The following C1QTNF3 variants were observed in gnomAD, a reference collection of about 807,000 sequenced individuals.
C1QTNF3 encodes the protein complement C1q tumor necrosis factor-related protein 3.
C1QTNF3 carries 26 observed loss-of-function variants against 32.6 expected under a neutral mutation model. That is an observed-to-expected ratio of 0.80 (90% CI 0.58 to 1.11). C1QTNF3 has a LOEUF of 1.11. Ranked by LOEUF, C1QTNF3 falls within the 50% of genes least tolerant of loss-of-function variation. The pLI is 0.00. For synonymous variants in C1QTNF3, 155 were observed against 146.0 expected (o/e 1.06, Z -0.44); for missense variants, 362 against 398.2 (o/e 0.91, Z 0.77).
At chr5:34,239,280 A>G in the C1QTNF3 span, 1 of 152,094 alleles carries the variant, frequency 6.6e-6, no homozygotes, top group African/African-American at 2.4e-5. Context: ...TAGGATCAAA[A>G]TCTCATGTAT....
At chr5:34,027,609 G>C (rs1312097013) in intron 4 of C1QTNF3, among the ~76,000 whole-genome samples, 3 of 151,886 alleles carry the variant, frequency 2.0e-5, no homozygotes, top group Non-Finnish European at 4.4e-5. Flanking sequence ...GAGTGGGGAG[G>C]ATCGCTTGAG....
chr5:34,171,264 G>A, the C1QTNF3 span, among the ~76,000 whole-genome samples: 2 of 151,380 alleles, frequency 1.3e-5, no homozygotes, highest in Non-Finnish European at 2.9e-5. Flanking sequence ...TTTTCTTACT[G>A]AATTTTTTTC....
At chr5:34,071,588 AT>A in the C1QTNF3 span, among the ~76,000 whole-genome samples, 12 of 152,156 alleles carry the variant, frequency 7.9e-5, no homozygotes, top group African/African-American at 2.9e-4. Context: ...ATTGAGGAAG[AT>A]TAGGCATATC....
chr5:34,107,271 C>A, the C1QTNF3 span, among the ~76,000 whole-genome samples: 1 of 137,756 alleles, frequency 7.3e-6, no homozygotes, highest in African/African-American at 2.8e-5. Context: ...TATAAATATA[C>A]TGCTGCACTT....
the C1QTNF3 span, among the ~76,000 whole-genome samples, chr5:34,064,799 C>G: frequency 6.6e-6 from 1 of 152,028 alleles, no homozygotes; most frequent in Non-Finnish European, 1.5e-5. Flanking sequence ...GGGAGGGGAC[C>G]CAAAGGGAGT....
chr5:34,093,993 C>T, the C1QTNF3 span, among the ~76,000 whole-genome samples: 12 of 152,296 alleles, frequency 7.9e-5, no homozygotes, highest in East Asian at 2.1e-3. Context: ...AAGAAAACAG[C>T]CCAGACCTAG....
chr5:34,114,414 G>A, the C1QTNF3 span, among the ~76,000 whole-genome samples: 1 of 151,960 alleles, frequency 6.6e-6, no homozygotes, highest in Non-Finnish European at 1.5e-5. Flanking sequence ...ATAATTTATT[G>A]CTAAATTCAG....
the C1QTNF3 span, among the ~76,000 whole-genome samples, chr5:34,169,628 G>T: frequency 6.6e-6 from 1 of 151,888 alleles, no homozygotes; most frequent in Non-Finnish European, 1.5e-5. Flanking sequence ...TGTTTTTCTT[G>T]TTTGTTTTTA....
chr5:34,069,889 G>C, the C1QTNF3 span, among the ~76,000 whole-genome samples: 4 of 152,246 alleles, frequency 2.6e-5, 1 homozygote, highest in African/African-American at 9.6e-5. Context: ...ACATAGAACA[G>C]AGGTATTGTA....
chr5:34,044,115 C>T (rs189002122), upstream of C1QTNF3, among the ~76,000 whole-genome samples: 185 of 152,214 alleles, frequency 1.2e-3, no homozygotes, highest in African/African-American at 4.2e-3. Context: ...AAGTGGAAAG[C>T]ACCAAACACG....
chr5:34,160,919 AAG>A, the C1QTNF3 span, among the ~76,000 whole-genome samples: 1 of 152,228 alleles, frequency 6.6e-6, no homozygotes, highest in Non-Finnish European at 1.5e-5. Context: ...AAAAAAAAGA[AAG>A]AATAAGAATT....
the C1QTNF3 span, among the ~76,000 whole-genome samples, chr5:34,071,304 T>C: frequency 6.6e-6 from 1 of 152,234 alleles, no homozygotes; most frequent in African/African-American, 2.4e-5. Context: ...ATAAACTTAT[T>C]ATTTTGTATT....
At chr5:34,100,094 G>A in the C1QTNF3 span, among the ~76,000 whole-genome samples, 1 of 151,422 alleles carries the variant, frequency 6.6e-6, no homozygotes, top group Non-Finnish European at 1.5e-5. Context: ...TCCAACCACC[G>A]ACAGGTTCAG....
At chr5:34,159,675 T>C in the C1QTNF3 span, among the ~76,000 whole-genome samples, 10 of 151,922 alleles carry the variant, frequency 6.6e-5, no homozygotes, top group African/African-American at 1.9e-4. Context: ...TCTTCAAATA[T>C]AATACTGATA....
the C1QTNF3 span, among the ~76,000 whole-genome samples, chr5:34,081,858 A>G: frequency 1.3e-5 from 2 of 151,792 alleles, no homozygotes; most frequent in African/African-American, 2.4e-5. Flanking sequence ...AAGTATTGAA[A>G]CATATCATAG....
chr5:34,106,936 T>C, the C1QTNF3 span, among the ~76,000 whole-genome samples: 1 of 98,100 alleles, frequency 1.0e-5, no homozygotes, highest in Non-Finnish European at 2.0e-5. Context: ...TTTGTGTTTA[T>C]TGTTTGATTT....
chr5:34,128,576 A>G, the C1QTNF3 span, among the ~76,000 whole-genome samples: 7 of 152,208 alleles, frequency 4.6e-5, no homozygotes, highest in African/African-American at 1.7e-4. Flanking sequence ...AGGCCTTGAG[A>G]GCCCACTTGT....
At chr5:34,081,015 GT>G in the C1QTNF3 span, among the ~76,000 whole-genome samples, 1 of 151,708 alleles carries the variant, frequency 6.6e-6, no homozygotes, top group East Asian at 1.9e-4. Flanking sequence ...TAAAAGCACA[GT>G]TTCCCTGGGG....
chr5:34,033,207 G>T, intron 3 of C1QTNF3, 97 bp downstream of exon 3: 1 of 1,321,034 alleles, frequency 7.6e-7, no homozygotes, highest in Non-Finnish European at 1.1e-6. Flanking sequence ...CTCAGGATTG[G>T]GGAAGACTTG....
Sources: gnomAD v4.1 joint callset for allele counts (sites outside exome capture counted in the v4.1 genomes callset) on GRCh38, gnomAD v4.1.1 for gene constraint, MANE v1.5 for transcripts, NCBI Gene and HGNC (gene_info 2026-07-23, HGNC 2026-07-21) for gene names.